Variants in FAM110D observed in about 807,000 individuals in gnomAD.
FAM110D encodes the protein protein FAM110D.
For missense variants in FAM110D, 376 were observed against 395.6 expected (o/e 0.95, Z 0.42); for synonymous variants, 174 against 189.4 (o/e 0.92, Z 0.67).
Position 26,161,676 on chromosome 1 carries a change from C to A in FAM110D, c.385C>A (p.Arg129=). Residue 129 remains arginine (R), a synonymous_variant, in exon 2 of 2, where the codon CGA becomes AGA. Transcript: ENST00000374268. The surrounding 1 kb of genome is among the most constrained non-coding windows in gnomAD (Gnocchi z 5.4). ...CCCGAGCAGCCCGGCCTCCACAGAG[C>A]GACCTGCGGCTTCAGGGGGTTGGGC... ...AAPSSPASTE[R]PAASGGWAAP... 1.3e-6 allele frequency: 2 copies of A among 1,551,606 alleles called. No individual in the cohort carries two copies. Among genetic ancestry groups the A allele is most frequent in the East Asian group, 2.4e-5 (1 of 41,136 alleles).
At chr1:26,160,195 G>C (rs1169959662) in intron 1 of FAM110D, among the ~76,000 whole-genome samples, 1 of 151,546 alleles carries the variant, frequency 6.6e-6, no homozygotes, top group East Asian at 2.0e-4. Context: ...CCAGCTTCAA[G>C]CGATTCTCCT....
At chr1:26,159,743 C>A (rs2088343722) in intron 1 of FAM110D, among the ~76,000 whole-genome samples, 2 of 151,964 alleles carry the variant, frequency 1.3e-5, no homozygotes. Context: ...ATCCAAGGTC[C>A]CTCAGCCTCC....
Position 26,162,050 on chromosome 1 carries a change from C to T in FAM110D, c.759C>T (p.Ile253=). 1 of 1,266,060 alleles carries T rather than the reference C, an allele frequency of 7.9e-7. No individual in the cohort carries two copies. The highest frequency in any genetic ancestry group is 9.9e-7 in the Non-Finnish European group (1 of 1,008,576). The allele number at this position is 1,266,060 out of a possible 1,614,324, so 78.4% of individuals were successfully genotyped here. ...TGGTGGAGCGCAACGCGCGCGTCAT[C>T]CAGTGGCTGTACGGCTGCCAGCGCG... ...VSVVERNARV[I]QWLYGCQRAR... Residue 253 remains isoleucine (I), a synonymous_variant, in exon 2 of 2, where the codon ATC becomes ATT. Transcript: ENST00000374268. The surrounding 1 kb of genome is among the most constrained non-coding windows in gnomAD (Gnocchi z 5.3).
At chr1:26,160,251 G>T (rs565962780) in intron 1 of FAM110D, among the ~76,000 whole-genome samples, 5 of 151,944 alleles carry the variant, frequency 3.3e-5, no homozygotes, top group African/African-American at 1.2e-4. Context: ...GCGCCACCCC[G>T]CCTGGCTAAT....
rs959998679 is a variant in FAM110D, at chr1:26,161,887, C to T, written c.596C>T (p.Thr199Ile). 44 of 1,460,818 alleles carry T rather than the reference C, an allele frequency of 3.0e-5. No individual in the cohort carries two copies. Among genetic ancestry groups the T allele is most frequent in the Admixed American group, 7.6e-5 (3 of 39,248 alleles). The allele number at this position is 1,460,818 out of a possible 1,614,324, so 90.5% of individuals were successfully genotyped here. Residue 199 changes from threonine to isoleucine, a missense_variant, in exon 2 of 2, where the codon ACT becomes ATT. Physicochemically the swap from Thr to Ile is moderately conservative, Grantham distance 89 (BLOSUM62 -1). Coordinates refer to ENST00000374268, the MANE Select transcript of FAM110D (RefSeq NM_024869.3). This position sits in a 1 kb window ranked among gnomAD's most constrained non-coding sequence, Gnocchi z 5.4. ...GCCGACGCCAGCCCGCAGGCCGGAACTTCGCCGCCGCCCGGCTCCGGGGAC... is the reference window on the plus strand; with the variant it reads ...GCCGACGCCAGCCCGCAGGCCGGAATTTCGCCGCCGCCCGGCTCCGGGGAC... Reference protein sequence around the residue: ...WGADASPQAGTSPPPGSGDAS... With the variant: ...WGADASPQAGISPPPGSGDAS...
chr1:26,160,251 G>A (rs565962780), intron 1 of FAM110D, among the ~76,000 whole-genome samples: 16 of 151,944 alleles, frequency 1.1e-4, no homozygotes, highest in African/African-American at 2.4e-4. Context: ...GCGCCACCCC[G>A]CCTGGCTAAT....
chr1:26,160,949 G>C (rs1428702990), intron 1 of FAM110D, among the ~76,000 whole-genome samples: 1 of 152,218 alleles, frequency 6.6e-6, no homozygotes, highest in Non-Finnish European at 1.5e-5. Flanking sequence ...CAAGTGTCCT[G>C]CTTGCTAAGG....
In FAM110D at chr1:26,162,086, G is replaced by A; in HGVS notation, c.795G>A (p.Pro265=). The change falls in exon 2 of 2, where the codon CCG becomes CCA. Residue 265 remains proline (P), a synonymous_variant. Coordinates refer to ENST00000374268, the MANE Select transcript of FAM110D (RefSeq NM_024869.3). This position sits in a 1 kb window ranked among gnomAD's most constrained non-coding sequence, Gnocchi z 5.3. ...ACGGCTGCCAGCGCGCCCGCGGACCGCCGCGCGAGTCCGAGGTGTGACCGC... is the reference window on the plus strand; with the variant it reads ...ACGGCTGCCAGCGCGCCCGCGGACCACCGCGCGAGTCCGAGGTGTGACCGC... ...WLYGCQRARG[P]PRESEV is the part of the protein sequence containing the mutation. The A allele has an allele frequency of 7.9e-7, 1 of 1,271,364 alleles. No individual in the cohort carries two copies. The highest frequency in any genetic ancestry group is 9.9e-7 in the Non-Finnish European group (1 of 1,009,576). 78.8% of individuals were successfully genotyped at this position (1,271,364 alleles called of 1,614,324 possible).
rs889423612 is a variant in FAM110D, at chr1:26,161,469, C to G, written c.178C>G (p.Pro60Ala). The G allele has an allele frequency of 6.4e-7, 1 of 1,560,166 alleles. No individual in the cohort carries two copies. The highest frequency in any genetic ancestry group is 2.4e-5 in the East Asian group (1 of 41,612). Residue 60 changes from proline to alanine, a missense_variant, in exon 2 of 2, where the codon CCC (proline) becomes GCC (alanine). By Grantham distance (27) the Pro-to-Ala change is conservative. Transcript: ENST00000374268. The surrounding 1 kb of genome is among the most constrained non-coding windows in gnomAD (Gnocchi z 5.4). ...LTPHPCNELG[P>A]PASPRTPRPV... ...GCCGCACCCCTGCAACGAGCTGGGG[C>G]CCCCTGCATCGCCCAGGACGCCCAG...
At position 26,161,998 on chromosome 1, in the gene FAM110D, C is replaced by T. The variant is rs2088375402; in HGVS notation, c.707C>T (p.Ala236Val). ...GGCGGCTCGGAGGCAGCGGGCTCGGCGCGGGACCGGCGCCCCCCGGTGTCG... is the reference window on the plus strand; with the variant it reads ...GGCGGCTCGGAGGCAGCGGGCTCGGTGCGGGACCGGCGCCCCCCGGTGTCG... ...GGGGSEAAGS[A>V]RDRRPPVSVV... The change falls in exon 2 of 2, where the codon GCG (alanine) becomes GTG (valine). Residue 236 changes from alanine to valine, a missense_variant. Physicochemically the swap from Ala to Val is moderately conservative, Grantham distance 64 (BLOSUM62 0). Transcript: ENST00000374268. The surrounding 1 kb of genome is among the most constrained non-coding windows in gnomAD (Gnocchi z 5.4). 2.4e-6 allele frequency: 3 copies of T among 1,235,860 alleles called. No homozygotes were observed. The East Asian group carries it at 9.7e-5, about 40-fold the overall frequency. 76.6% of individuals were successfully genotyped at this position (1,235,860 alleles called of 1,614,324 possible). A position where few individuals can be genotyped will look rare whatever the true frequency, so the allele number is the denominator to read the frequency against.
intron 1 of FAM110D, among the ~76,000 whole-genome samples, chr1:26,160,264 T>G (rs2088351316): frequency 6.6e-6 from 1 of 152,010 alleles, no homozygotes. Flanking sequence ...TGGCTAATTT[T>G]TGTATTTTCA....
intron 1 of FAM110D, among the ~76,000 whole-genome samples, chr1:26,159,805 C>T (rs2088344811): frequency 6.6e-6 from 1 of 151,982 alleles, no homozygotes; most frequent in African/African-American, 2.4e-5. Flanking sequence ...TGTGCAGGGC[C>T]ATGTGGGTGG....
chr1:26,161,202 C>A lies in FAM110D; in HGVS notation c.-80-10C>A. 7.7e-7 allele frequency: 1 copy of A among 1,294,082 alleles called. No individual in the cohort carries two copies. The highest frequency in any genetic ancestry group is 1.0e-6 in the Non-Finnish European group (1 of 957,102). The allele number at this position is 1,294,082 out of a possible 1,614,324, so 80.2% of individuals were successfully genotyped here. On this transcript the variant is annotated splice_polypyrimidine_tract_variant and intron_variant, in intron 1 of 1. Transcript: ENST00000374268. This position sits in a 1 kb window ranked among gnomAD's most constrained non-coding sequence, Gnocchi z 5.4. ...CCTACCCTTCCCCTGACCTTCCTCT[C>A]TCCCTGCAGGTCAGTGAGAGCCCAA...
At chr1:26,160,211 A>C (rs1198293876) in intron 1 of FAM110D, among the ~76,000 whole-genome samples, 3 of 151,010 alleles carry the variant, frequency 2.0e-5, no homozygotes, top group African/African-American at 7.3e-5. Flanking sequence ...CTCCTGCCTC[A>C]GCTTCCCAAG....
intron 1 of FAM110D, among the ~76,000 whole-genome samples, chr1:26,160,084 C>CTTTTTTTTTTTTT (rs1056513694): frequency 8.7e-6 from 1 of 115,506 alleles, no homozygotes; most frequent in African/African-American, 2.7e-5. Context: ...TCAGTGAGTT[C>CTTTTTTTTTTTTT]TTTTTTTTTT....
rs1053739983 is a variant in FAM110D at position 26,162,097 on chromosome 1, C to G, written c.806C>G (p.Ser269Cys). 7.9e-7 allele frequency: 1 copy of G among 1,266,260 alleles called. No individual in the cohort carries two copies. Among genetic ancestry groups the G allele is most frequent in the Non-Finnish European group, 9.9e-7 (1 of 1,006,720 alleles). The allele number at this position is 1,266,260 out of a possible 1,614,324, so 78.4% of individuals were successfully genotyped here. A position where few individuals can be genotyped will look rare whatever the true frequency, so the allele number is the denominator to read the frequency against. The change falls in exon 2 of 2, where the codon TCC becomes TGC. Residue 269 changes from serine (S) to cysteine (C), a missense_variant. Ser to Cys is a moderately radical substitution (Grantham distance 112). Transcript: ENST00000374268. The surrounding 1 kb of genome is among the most constrained non-coding windows in gnomAD (Gnocchi z 5.3). ...CQRARGPPRESEV is the reference protein window; with the variant it reads ...CQRARGPPRECEV ...CGCGCCCGCGGACCGCCGCGCGAGT[C>G]CGAGGTGTGACCGCCGCGGCTCCGG...
intron 1 of FAM110D, among the ~76,000 whole-genome samples, chr1:26,159,675 C>T (rs2088342245): frequency 6.6e-6 from 1 of 151,382 alleles, no homozygotes; most frequent in Non-Finnish European, 1.5e-5. Flanking sequence ...TGCCCCAAGG[C>T]CTCTCACAGA....
Position 26,163,834 on chromosome 1 carries a change from C to A in FAM110D, c.*1727C>A. ...TTTGACCTTTTTCCTAGTACAGGGA[C>A]GGCGCACATAGTAGGGCCACAGGCA... On this transcript the variant is annotated 3_prime_UTR_variant, in exon 2 of 2. Transcript: ENST00000374268. The A allele has an allele frequency of 4.3e-6, 1 of 235,232 alleles. No homozygotes were observed. The highest frequency in any genetic ancestry group is 1.3e-3 in the Middle Eastern group (1 of 788). The allele number at this position is 235,232 out of a possible 1,614,324, so 14.6% of individuals were successfully genotyped here. A position where few individuals can be genotyped will look rare whatever the true frequency, so the allele number is the denominator to read the frequency against.
chr1:26,162,096 T>C lies in FAM110D; in HGVS notation c.805T>C (p.Ser269Pro). 1 of 1,265,066 alleles carries C rather than the reference T, an allele frequency of 7.9e-7. No homozygotes were observed. The allele number at this position is 1,265,066 out of a possible 1,614,324, so 78.4% of individuals were successfully genotyped here. Residue 269 changes from serine (S) to proline (P), a missense_variant, in exon 2 of 2, where the codon TCC becomes CCC. Physicochemically the swap from Ser to Pro is moderately conservative, Grantham distance 74. Coordinates refer to ENST00000374268, the MANE Select transcript of FAM110D (RefSeq NM_024869.3). This position sits in a 1 kb window ranked among gnomAD's most constrained non-coding sequence, Gnocchi z 5.3. ...GCGCGCCCGCGGACCGCCGCGCGAG[T>C]CCGAGGTGTGACCGCCGCGGCTCCG... Reference protein sequence around the residue: ...CQRARGPPRESEV With the variant: ...CQRARGPPREPEV
Sources: allele counts gnomAD v4.1 joint callset (sites outside exome capture counted in the v4.1 genomes callset), GRCh38; gene constraint gnomAD v4.1.1; non-coding constraint Gnocchi (gnomAD v3.1); transcripts MANE v1.5; gene names NCBI Gene and HGNC (gene_info 2026-07-23, HGNC 2026-07-21).